Variants in RALGAPA2 observed in about 807,000 individuals in gnomAD.
The protein encoded by RALGAPA2 is Ral GTPase activating protein catalytic subunit alpha 2.
A neutral mutation model predicts 230.4 loss-of-function variants in RALGAPA2; 139 were observed. The ratio of observed to expected loss-of-function variants is 0.60; its 90% confidence interval spans 0.53 to 0.69. The LOEUF is 0.69. RALGAPA2 is among the 30% of genes least tolerant of loss of function. The pLI, the probability that RALGAPA2 is intolerant of heterozygous loss-of-function variation, is 0.00. For missense variants in RALGAPA2, 2,163 were observed against 2,276.0 expected (o/e 0.95, Z 1.01); for synonymous variants, 847 against 837.8 (o/e 1.01, Z -0.19).
At chr20:20,702,826 AC>A (rs1256998736) in intron 1 of RALGAPA2, among the ~76,000 whole-genome samples, 9 of 152,228 alleles carry the variant, frequency 5.9e-5, no homozygotes, top group Non-Finnish European at 1.3e-4. Context: ...GGGCTCCTGA[AC>A]TTTATCAAAA....
At chr20:20,691,802 A>G (rs1415175170) in intron 1 of RALGAPA2, among the ~76,000 whole-genome samples, 1 of 152,142 alleles carries the variant, frequency 6.6e-6, no homozygotes, top group Non-Finnish European at 1.5e-5. Flanking sequence ...ATTCCAAGTG[A>G]TATAGTTTGG....
intron 20 of RALGAPA2, among the ~76,000 whole-genome samples, chr20:20,578,482 T>C (rs1466374552): frequency 6.6e-6 from 1 of 152,174 alleles, no homozygotes; most frequent in Non-Finnish European, 1.5e-5. Flanking sequence ...ACAAGCATAA[T>C]TGTATCATCT....
At chr20:20,409,968 TA>T (rs1259298339) in intron 38 of RALGAPA2, among the ~76,000 whole-genome samples, 1 of 152,250 alleles carries the variant, frequency 6.6e-6, no homozygotes, top group Non-Finnish European at 1.5e-5. Context: ...CTGAATTCCT[TA>T]AACCATGAAC....
At position 20,413,968 on chromosome 20, in the gene RALGAPA2, C is replaced by T. The variant is rs578057884; in HGVS notation, c.5496-1820G>A. Among the ~76,000 whole-genome samples, 60 of 152,382 alleles carry T rather than the reference C, an allele frequency of 3.9e-4. No individual in the cohort carries two copies. In the South Asian group the frequency reaches 9.3e-3, roughly 24 times the overall value. ...CCATTCACGTCTCATTATGAACACACTTATTCTGCACAGCACTTGGCTGTC... is the reference window on the plus strand; with the variant it reads ...CCATTCACGTCTCATTATGAACACATTTATTCTGCACAGCACTTGGCTGTC... On this transcript the variant is annotated intron_variant, in intron 37 of 39. Transcript: ENST00000202677.
At position 20,629,272 on chromosome 20, in the gene RALGAPA2, A is replaced by C. The variant is rs553208884; in HGVS notation, c.1233+91T>G. 5 of 1,070,842 alleles carry C rather than the reference A, an allele frequency of 4.7e-6. No homozygotes were observed. In the East Asian group the frequency reaches 1.3e-4, roughly 28 times the overall value. 66.3% of individuals were successfully genotyped at this position (1,070,842 alleles called of 1,614,324 possible). ...CACCAATTCTATTTGTTGGCGTGTT[A>C]CAAGTAAAAGAACATGAAACAAAAT... On this transcript the variant is annotated intron_variant, in intron 10 of 39. Transcript: ENST00000202677.
At chr20:20,413,720 C>G (rs920021713) in intron 37 of RALGAPA2, among the ~76,000 whole-genome samples, 5 of 152,224 alleles carry the variant, frequency 3.3e-5, no homozygotes, top group Non-Finnish European at 7.3e-5. Context: ...TATACAACCT[C>G]AAGCAAGGAA....
intron 36 of RALGAPA2, among the ~76,000 whole-genome samples, chr20:20,473,756 T>TC (rs368914152): frequency 3.0e-4 from 46 of 152,208 alleles, no homozygotes; most frequent in African/African-American, 1.1e-3. Context: ...CTCTCCTTTT[T>TC]CCCCCATTAG....
chr20:20,465,338 T>C (rs1445475030), intron 37 of RALGAPA2, among the ~76,000 whole-genome samples: 2 of 152,104 alleles, frequency 1.3e-5, no homozygotes, highest in African/African-American at 2.4e-5. Flanking sequence ...CAGAGACGAC[T>C]ATGGGAGGGT....
intron 9 of RALGAPA2, among the ~76,000 whole-genome samples, chr20:20,634,675 C>T (rs2066797049): frequency 6.6e-6 from 1 of 152,152 alleles, no homozygotes; most frequent in Non-Finnish European, 1.5e-5. Context: ...AGTCAGTGGA[C>T]CAGACTTCCT....
At chr20:20,658,666 A>C (rs2067669632) in intron 3 of RALGAPA2, among the ~76,000 whole-genome samples, 2 of 152,254 alleles carry the variant, frequency 1.3e-5, no homozygotes, top group Admixed American at 6.5e-5. Context: ...ACTGATCAGC[A>C]CATCAGGGAA....
chr20:20,629,194 A>G (rs2066587710), intron 10 of RALGAPA2, among the ~76,000 whole-genome samples, 169 bp downstream of exon 10: 1 of 152,212 alleles, frequency 6.6e-6, no homozygotes, highest in African/African-American at 2.4e-5. Context: ...CTCACAAATT[A>G]AAAGATTAGA....
intron 8 of RALGAPA2, 36 bp downstream of exon 8, chr20:20,637,327 T>C (rs2066890764): frequency 6.8e-7 from 1 of 1,479,524 alleles, no homozygotes. Flanking sequence ...AGCTTTCCTT[T>C]GGATATCCTC....
chr20:20,538,432 G>A (rs185332880), intron 24 of RALGAPA2, among the ~76,000 whole-genome samples: 35 of 152,240 alleles, frequency 2.3e-4, no homozygotes, highest in Non-Finnish European at 4.1e-4. Context: ...AGAAGCAGTC[G>A]TTCCCAAAGT....
intron 33 of RALGAPA2, among the ~76,000 whole-genome samples, chr20:20,510,295 G>C (rs1042310508): frequency 6.6e-6 from 1 of 152,156 alleles, no homozygotes; most frequent in African/African-American, 2.4e-5. Flanking sequence ...ATAAAGCAGG[G>C]CTCTGTTATT....
At chr20:20,678,419 T>C (rs771408801) in intron 2 of RALGAPA2, among the ~76,000 whole-genome samples, 12 of 152,182 alleles carry the variant, frequency 7.9e-5, no homozygotes, top group Non-Finnish European at 4.4e-5. Flanking sequence ...CACTCCATGC[T>C]TGACAACTGC....
At chr20:20,405,606 C>T (rs929953071) in intron 38 of RALGAPA2, among the ~76,000 whole-genome samples, 7 of 152,208 alleles carry the variant, frequency 4.6e-5, no homozygotes, top group African/African-American at 1.4e-4. Context: ...TGAAGAAGCA[C>T]GAAGCCTAAA....
intron 3 of RALGAPA2, chr20:20,659,696 G>T: frequency 2.2e-6 from 1 of 453,258 alleles, no homozygotes. Flanking sequence ...AATGGCAACA[G>T]CAGCAGCGAG....
chr20:20,574,708 T>G (rs933550150), intron 20 of RALGAPA2, among the ~76,000 whole-genome samples: 2 of 152,334 alleles, frequency 1.3e-5, no homozygotes, highest in African/African-American at 4.8e-5. Flanking sequence ...TCTTCATCCT[T>G]TTGACTTCAT....
At chr20:20,638,992 G>A (rs922137292) in intron 7 of RALGAPA2, among the ~76,000 whole-genome samples, 2 of 152,176 alleles carry the variant, frequency 1.3e-5, no homozygotes, top group Non-Finnish European at 2.9e-5. Flanking sequence ...CATGAAGGAG[G>A]GGTAGTTAAA....
Sources: allele counts gnomAD v4.1 joint callset (sites outside exome capture counted in the v4.1 genomes callset), GRCh38; gene constraint gnomAD v4.1.1; transcripts MANE v1.5; gene names NCBI Gene and HGNC (gene_info 2026-07-23, HGNC 2026-07-21).